Variants in NELL2 observed in about 807,000 individuals in gnomAD.
The protein encoded by NELL2 is protein kinase C-binding protein NELL2.
NELL2 carries 41 observed loss-of-function variants against 109.6 expected under a neutral mutation model. The observed-to-expected ratio is 0.37, with a 90% CI of 0.29 to 0.49. NELL2 has a LOEUF of 0.49. NELL2 is among the 20% of genes least tolerant of loss of function. NELL2 has a pLI of 0.98. For missense variants in NELL2, 900 were observed against 1,008.3 expected (o/e 0.89, Z 1.45); for synonymous variants, 355 against 344.7 (o/e 1.03, Z -0.33).
At chr12:44,688,683 G>T (rs1948808297) in intron 12 of NELL2, among the ~76,000 whole-genome samples, 1 of 152,144 alleles carries the variant, frequency 6.6e-6, no homozygotes, top group South Asian at 2.1e-4. Context: ...GACAGATTTT[G>T]ATTTGATCCA....
At chr12:44,606,810 T>C (rs901635541) in intron 15 of NELL2, among the ~76,000 whole-genome samples, 2 of 152,084 alleles carry the variant, frequency 1.3e-5, no homozygotes, top group Non-Finnish European at 2.9e-5. Flanking sequence ...CGGCACTGAG[T>C]TGGCCATAAG....
At chr12:44,625,008 A>G (rs1204486744) in intron 13 of NELL2, among the ~76,000 whole-genome samples, 1 of 124,420 alleles carries the variant, frequency 8.0e-6, no homozygotes, top group Non-Finnish European at 1.5e-5. Context: ...ATATATATAT[A>G]TATATATATA....
chr12:44,677,315 A>T (rs909309560), intron 12 of NELL2, among the ~76,000 whole-genome samples: 3 of 152,088 alleles, frequency 2.0e-5, no homozygotes, highest in African/African-American at 7.2e-5. Flanking sequence ...GAAGTTTTTT[A>T]AATTATTCTA....
chr12:44,573,637 A>G (rs1317708905), intron 15 of NELL2, among the ~76,000 whole-genome samples: 1 of 152,244 alleles, frequency 6.6e-6, no homozygotes, highest in Non-Finnish European at 1.5e-5. Flanking sequence ...AAAGTTTCCA[A>G]CTTAAAAGGA....
At chr12:44,587,916 C>G (rs925861425) in intron 15 of NELL2, among the ~76,000 whole-genome samples, 4 of 152,102 alleles carry the variant, frequency 2.6e-5, no homozygotes, top group African/African-American at 9.7e-5. Context: ...CTTTGGGAGG[C>G]CAAGGCGGGC....
chr12:44,644,608 G>GTATATATATATATATATATATATATA (rs1180129986), intron 13 of NELL2, among the ~76,000 whole-genome samples: 6 of 90,826 alleles, frequency 6.6e-5, no homozygotes, highest in African/African-American at 9.2e-5. Context: ...ATATATGTAT[G>GTATATATATATATATATATATATATA]TATATATATA....
At chr12:44,780,722 T>C (rs1457023362) in intron 3 of NELL2, among the ~76,000 whole-genome samples, 2 of 152,024 alleles carry the variant, frequency 1.3e-5, no homozygotes, top group African/African-American at 4.8e-5. Context: ...AGGAGTTTTA[T>C]AGTCATCCAG....
chr12:44,856,570 G>A (rs552472139), intron 2 of NELL2, among the ~76,000 whole-genome samples: 6 of 152,186 alleles, frequency 3.9e-5, no homozygotes, highest in Non-Finnish European at 8.8e-5. Context: ...GCAGCTGTCT[G>A]GGGGAAGAGC....
intron 12 of NELL2, among the ~76,000 whole-genome samples, chr12:44,678,549 T>C (rs140784486): frequency 4.3e-4 from 66 of 152,108 alleles, no homozygotes; most frequent in African/African-American, 1.4e-3. Context: ...CAAGATGTAA[T>C]AGGTATTTTC....
chr12:44,911,319 T>C (rs1490178570), intron 1 of NELL2, among the ~76,000 whole-genome samples: 1 of 151,962 alleles, frequency 6.6e-6, no homozygotes, highest in African/African-American at 2.4e-5. Flanking sequence ...GAACATTGAT[T>C]AGTCTTATTC....
intron 13 of NELL2, among the ~76,000 whole-genome samples, chr12:44,661,747 C>A (rs1441507311): frequency 6.6e-6 from 1 of 152,132 alleles, no homozygotes; most frequent in African/African-American, 2.4e-5. Flanking sequence ...TATGCATAAA[C>A]AAAATAGGTT....
rs1941461225 is a variant in NELL2, at chr12:44,520,105, T to C, written c.2300A>G (p.Asn767Ser). 6 of 1,614,026 alleles carry C rather than the reference T, an allele frequency of 3.7e-6. No individual in the cohort carries two copies. Among genetic ancestry groups the C allele is most frequent in the South Asian group, 1.1e-5 (1 of 91,078 alleles). The change falls in exon 19 of 20, where the codon AAT becomes AGT. Residue 767 changes from asparagine (N) to serine (S), a missense_variant. Physicochemically the swap from Asn to Ser is conservative, Grantham distance 46. Around this residue, in one of 4 missense-constraint regions of NELL2, gnomAD observed 333 missense variants for 432.3 expected, o/e 0.77. Coordinates refer to ENST00000429094, the MANE Select transcript of NELL2 (RefSeq NM_001145108.2). ...GTCCAGGCAAGTCTTGGTGATGTCA[T>C]TGCGGATGGTGTCAGCCTGGCAAGG... ...TDPCQADTIRNDITKTCLDEM... is the reference protein window; with the variant it reads ...TDPCQADTIRSDITKTCLDEM...
At chr12:44,682,758 G>C (rs1362202086) in intron 12 of NELL2, among the ~76,000 whole-genome samples, 2 of 152,112 alleles carry the variant, frequency 1.3e-5, no homozygotes, top group Admixed American at 6.5e-5. Context: ...TGAGGGCTCT[G>C]TTCCGTTCCA....
At chr12:44,523,982 C>A (rs757135186) in intron 16 of NELL2, among the ~76,000 whole-genome samples, 3 of 152,144 alleles carry the variant, frequency 2.0e-5, no homozygotes, top group African/African-American at 7.2e-5. Flanking sequence ...CACCTGCCCC[C>A]CTCCATGAAG....
rs1237939959 is a variant in NELL2, at chr12:44,648,920, G to A, written c.1444+16564C>T. Among the ~76,000 whole-genome samples the A allele has an allele frequency of 2.7e-5, 4 of 147,722 alleles. 1 individual carries two copies. Among genetic ancestry groups the A allele is most frequent in the Non-Finnish European group, 6.0e-5 (4 of 66,502 alleles). On this transcript the variant is annotated intron_variant, in intron 13 of 19. Transcript: ENST00000429094. ...CCAGCTTGTGTGTGTGTGTGTGTGTGTGTGTGTGTGTGTGTGTGTGTGTTT... is the reference window on the plus strand; with the variant it reads ...CCAGCTTGTGTGTGTGTGTGTGTGTATGTGTGTGTGTGTGTGTGTGTGTTT...
At chr12:44,894,291 T>C (rs1726996719) in intron 1 of NELL2, among the ~76,000 whole-genome samples, 1 of 152,192 alleles carries the variant, frequency 6.6e-6, no homozygotes, top group African/African-American at 2.4e-5. Context: ...ACAATGTTAC[T>C]CTCAGGGGAT....
intron 13 of NELL2, among the ~76,000 whole-genome samples, chr12:44,645,184 G>A (rs1279644232): frequency 6.6e-6 from 1 of 152,124 alleles, no homozygotes; most frequent in African/African-American, 2.4e-5. Context: ...AATGAGACAA[G>A]TTAGGAGAGG....
chr12:44,698,259 G>A (rs1039895518), intron 12 of NELL2, among the ~76,000 whole-genome samples: 1 of 152,114 alleles, frequency 6.6e-6, no homozygotes. Context: ...TGTGAGGTGG[G>A]GTGTGAGGGT....
intron 1 of NELL2, among the ~76,000 whole-genome samples, chr12:44,921,212 T>C (rs969098214): frequency 6.6e-6 from 1 of 152,148 alleles, no homozygotes; most frequent in Non-Finnish European, 1.5e-5. Context: ...AACCATGACA[T>C]GGAAGTCAGA....
Sources: allele counts gnomAD v4.1 joint callset (sites outside exome capture counted in the v4.1 genomes callset), GRCh38; gene constraint gnomAD v4.1.1; regional missense constraint gnomAD v4.1.1; transcripts MANE v1.5; gene names NCBI Gene and HGNC (gene_info 2026-07-23, HGNC 2026-07-21).